DMC1: variants seen among roughly 807,000 people sequenced by gnomAD.
DMC1 encodes the protein meiotic recombination protein DMC1 homolog.
DMC1 carries 27 observed loss-of-function variants against 50.1 expected under a neutral mutation model. That is an observed-to-expected ratio of 0.54 (90% CI 0.40 to 0.74). DMC1 has a LOEUF of 0.74. Ranked by LOEUF, DMC1 falls within the 30% of genes least tolerant of loss-of-function variation. The probability of loss-of-function intolerance (pLI) is 0.00; values close to 1 mark genes in which losing one functional copy is unlikely to be tolerated. For missense variants in DMC1, 295 were observed against 420.2 expected (o/e 0.70, Z 2.60); for synonymous variants, 148 against 136.1 (o/e 1.09, Z -0.61).
At chr22:38,529,472 T>A (rs1012802619) in intron 12 of DMC1, among the ~76,000 whole-genome samples, 1 of 151,524 alleles carries the variant, frequency 6.6e-6, no homozygotes, top group Admixed American at 6.6e-5. Flanking sequence ...GAGATGGGGG[T>A]GGATATTAGT....
intron 12 of DMC1, among the ~76,000 whole-genome samples, chr22:38,525,696 T>G (rs900769807): frequency 9.8e-5 from 15 of 152,288 alleles, no homozygotes; most frequent in African/African-American, 3.6e-4. Flanking sequence ...ATCCCAGCCC[T>G]TTGGGAGGCT....
the DMC1 span, among the ~76,000 whole-genome samples, chr22:38,509,758 C>G: frequency 6.6e-6 from 1 of 152,028 alleles, no homozygotes; most frequent in African/African-American, 2.4e-5. Context: ...CAACTTCTGC[C>G]TCCTGGGTTC....
intron 12 of DMC1, among the ~76,000 whole-genome samples, chr22:38,525,128 T>C (rs2090073913): frequency 6.6e-6 from 1 of 152,198 alleles, no homozygotes; most frequent in Non-Finnish European, 1.5e-5. Context: ...GTATGGGTCT[T>C]ATTCCCCAAC....
intron 5 of DMC1, among the ~76,000 whole-genome samples, chr22:38,556,084 G>A (rs2090466543): frequency 6.6e-6 from 1 of 152,086 alleles, no homozygotes; most frequent in East Asian, 1.9e-4. Context: ...CGCCTGCCTT[G>A]GCTTCCCAAA....
At chr22:38,568,343 G>C (rs1248214048) in intron 1 of DMC1, 54 bp from the exon 2 acceptor site, 2 of 1,344,854 alleles carry the variant, frequency 1.5e-6, no homozygotes, top group Admixed American at 3.5e-5. Context: ...AGGGGCCTCT[G>C]ATTTCATTTC....
In DMC1 at chr22:38,539,352, C is replaced by T; in HGVS notation, c.555G>A (p.Leu185=). The T allele has an allele frequency of 6.2e-7, 1 of 1,614,030 alleles. No homozygotes were observed. The highest frequency in any genetic ancestry group is 8.5e-7 in the Non-Finnish European group (1 of 1,179,942). The change falls in exon 9 of 14, where the codon CTG becomes CTA. Residue 185 remains leucine (L), a synonymous_variant. Transcript: ENST00000216024. ...ATGCACGTGCATAAAGTACGTTGTC[C>T]AGTACTGCATCATGGTCTACATTAA... ...DRFNVDHDAV[L]DNVLYARAYT...
At chr22:38,565,501 G>A (rs759399242) in intron 4 of DMC1, among the ~76,000 whole-genome samples, 2 of 152,214 alleles carry the variant, frequency 1.3e-5, no homozygotes, top group Non-Finnish European at 2.9e-5. Context: ...TAATTTGCAC[G>A]TAATTAAAAG....
intron 4 of DMC1, among the ~76,000 whole-genome samples, chr22:38,565,703 T>C (rs11570383): frequency 3.9e-5 from 6 of 152,162 alleles, no homozygotes; most frequent in Non-Finnish European, 8.8e-5. Context: ...AAGCCTCAAT[T>C]TGGGGGCTCA....
chr22:38,515,378 G>A (rs1411642202), downstream of DMC1, among the ~76,000 whole-genome samples: 1 of 151,172 alleles, frequency 6.6e-6, no homozygotes, highest in Non-Finnish European at 1.5e-5. Flanking sequence ...TACTTGGGAG[G>A]CTGAAGCAGA....
intron 4 of DMC1, among the ~76,000 whole-genome samples, chr22:38,565,274 C>T (rs1221336478): frequency 2.0e-5 from 3 of 150,620 alleles, no homozygotes; most frequent in African/African-American, 7.3e-5. Context: ...GGGGATTTGA[C>T]TCCAGAGGTG....
In DMC1 at chr22:38,538,258, A is replaced by C. The variant is rs766701089; in HGVS notation, c.775+37T>G. 4.7e-5 allele frequency: 73 copies of C among 1,541,486 alleles called. 1 individual carries two copies. The South Asian group carries it at 8.2e-4, about 17-fold the overall frequency. Reference sequence around the variant, plus strand: ...CTTCTCTGCAAAGTATACTTGACAAACATAGTCACAGATGCCATTTTATTT... The same window carrying C: ...CTTCTCTGCAAAGTATACTTGACAACCATAGTCACAGATGCCATTTTATTT... On this transcript the variant is annotated intron_variant, in intron 11 of 13. Coordinates refer to ENST00000216024, the MANE Select transcript of DMC1 (RefSeq NM_007068.4).
chr22:38,539,481 A>G lies in DMC1; in HGVS notation c.495-69T>C. On this transcript the variant is annotated intron_variant, in intron 8 of 13. Coordinates refer to ENST00000216024, the MANE Select transcript of DMC1 (RefSeq NM_007068.4). ...AAAGTTTAGACAACCACTACAAAACATAATATCTTCCGTAAATTAACAGAG... is the reference window on the plus strand; with the variant it reads ...AAAGTTTAGACAACCACTACAAAACGTAATATCTTCCGTAAATTAACAGAG... 7.6e-6 allele frequency: 9 copies of G among 1,187,262 alleles called. No individual in the cohort carries two copies. In the South Asian group the frequency reaches 8.5e-5, roughly 11 times the overall value. 73.5% of individuals were successfully genotyped at this position (1,187,262 alleles called of 1,614,324 possible).
At chr22:38,565,477 C>T (rs975619487) in intron 4 of DMC1, among the ~76,000 whole-genome samples, 2 of 152,198 alleles carry the variant, frequency 1.3e-5, no homozygotes, top group African/African-American at 4.8e-5. Context: ...GAAATTTATG[C>T]ATAAACTGCC....
At chr22:38,548,309 C>T (rs567476877) in intron 8 of DMC1, among the ~76,000 whole-genome samples, 5 of 152,314 alleles carry the variant, frequency 3.3e-5, no homozygotes, top group African/African-American at 1.2e-4. Flanking sequence ...TGCAATGGCT[C>T]ATGCCTGTAA....
downstream of DMC1, among the ~76,000 whole-genome samples, chr22:38,517,932 GTC>G (rs1640187766): frequency 6.6e-6 from 1 of 151,398 alleles, no homozygotes; most frequent in Admixed American, 6.6e-5. Context: ...TACCTTTGCA[GTC>G]TCTCAGCTTA....
At chr22:38,552,036 T>C (rs1474063793) in intron 7 of DMC1, among the ~76,000 whole-genome samples, 1 of 151,880 alleles carries the variant, frequency 6.6e-6, no homozygotes, top group African/African-American at 2.4e-5. Flanking sequence ...AATTTTTTTG[T>C]ATTTTTAGTA....
intron 5 of DMC1, among the ~76,000 whole-genome samples, chr22:38,559,754 C>G (rs1220316503): frequency 6.6e-6 from 1 of 152,088 alleles, no homozygotes; most frequent in African/African-American, 2.4e-5. Flanking sequence ...GCGCCGGTAG[C>G]TCACACCTGT....
intron 7 of DMC1, among the ~76,000 whole-genome samples, chr22:38,551,864 T>C (rs1007483543): frequency 2.1e-5 from 3 of 143,076 alleles, no homozygotes; most frequent in Non-Finnish European, 1.5e-5. Flanking sequence ...TTCTTTTTTT[T>C]TTTTTTTTTT....
chr22:38,535,328 CAAAA>C (rs1293616985), intron 12 of DMC1, among the ~76,000 whole-genome samples: 1 of 149,828 alleles, frequency 6.7e-6, no homozygotes, highest in Non-Finnish European at 1.5e-5. Context: ...GAAAAACAAA[CAAAA>C]AACCGTATAC....
Sources: allele counts gnomAD v4.1 joint callset (sites outside exome capture counted in the v4.1 genomes callset), GRCh38; gene constraint gnomAD v4.1.1; transcripts MANE v1.5; gene names NCBI Gene and HGNC (gene_info 2026-07-23, HGNC 2026-07-21).